TBC1D32: variants seen among roughly 807,000 people sequenced by gnomAD.
TBC1D32 encodes the protein protein broad-minded.
Under a neutral mutation model 170.3 loss-of-function variants are expected in TBC1D32, and 151 were observed. That is an observed-to-expected ratio of 0.89 (90% CI 0.78 to 1.01). The LOEUF (loss-of-function observed/expected upper bound fraction) is 1.01. Ranked by LOEUF, TBC1D32 falls within the 50% of genes least tolerant of loss-of-function variation. The pLI, the probability that TBC1D32 is intolerant of heterozygous loss-of-function variation, is 0.00. For synonymous variants in TBC1D32, 498 were observed against 488.0 expected (o/e 1.02, Z -0.27); for missense variants, 1,464 against 1,457.1 (o/e 1.00, Z -0.08).
intron 24 of TBC1D32, among the ~76,000 whole-genome samples, chr6:121,152,027 A>T (rs1784283198): frequency 6.6e-6 from 1 of 152,076 alleles, no homozygotes; most frequent in South Asian, 2.1e-4. Flanking sequence ...GTTATGTGTG[A>T]ATTTGTTTCT....
chr6:121,304,866 G>C (rs767657544), intron 5 of TBC1D32, 33 bp from the exon 6 acceptor site: 1 of 1,386,650 alleles, frequency 7.2e-7, no homozygotes, highest in Admixed American at 1.9e-5. Context: ...TTGCATCTAA[G>C]ATCTCACAAG....
At chr6:121,274,542 T>C (rs1471339421) in intron 15 of TBC1D32, among the ~76,000 whole-genome samples, 4 of 151,940 alleles carry the variant, frequency 2.6e-5, no homozygotes, top group Non-Finnish European at 4.4e-5. Context: ...CCAACTATTT[T>C]CCCTAAAAGG....
At chr6:121,270,653 C>T (rs141871647) in intron 15 of TBC1D32, among the ~76,000 whole-genome samples, 3,647 of 152,130 alleles carry the variant, frequency 0.024, 162 homozygotes, top group East Asian at 0.12. Flanking sequence ...CAGGACCAGA[C>T]GGATTCACAG....
chr6:121,179,445 A>T (rs1335744062), intron 22 of TBC1D32, among the ~76,000 whole-genome samples: 1 of 151,808 alleles, frequency 6.6e-6, no homozygotes, highest in African/African-American at 2.4e-5. Flanking sequence ...CCCCATTAAC[A>T]ATAGCAAAAA....
At chr6:121,289,793 A>C (rs1438212897) in intron 12 of TBC1D32, among the ~76,000 whole-genome samples, 1 of 73,970 alleles carries the variant, frequency 1.4e-5, no homozygotes, top group Non-Finnish European at 5.5e-5. Context: ...ACTGGTACCA[A>C]AACAGAGATA....
chr6:121,145,611 T>C (rs1212473451), intron 24 of TBC1D32, among the ~76,000 whole-genome samples: 1 of 152,216 alleles, frequency 6.6e-6, no homozygotes, highest in Admixed American at 6.5e-5. Context: ...TTTTAAATAT[T>C]ATCATCAGAA....
intron 20 of TBC1D32, among the ~76,000 whole-genome samples, chr6:121,230,823 G>A (rs9490144): frequency 0.011 from 1,712 of 151,892 alleles, 43 homozygotes; most frequent in African/African-American, 0.04. Flanking sequence ...TTGGGGAACC[G>A]ATAGTGTATG....
intron 3 of TBC1D32, among the ~76,000 whole-genome samples, chr6:121,315,277 A>C (rs1193779718): frequency 1.3e-5 from 2 of 152,236 alleles, no homozygotes; most frequent in South Asian, 4.1e-4. Context: ...TAGTGAATAT[A>C]AAGCTAAGTA....
At chr6:121,125,822 A>C (rs1019628589) in intron 26 of TBC1D32, among the ~76,000 whole-genome samples, 3 of 152,294 alleles carry the variant, frequency 2.0e-5, no homozygotes, top group Non-Finnish European at 4.4e-5. Flanking sequence ...ATTGCAGCAG[A>C]AGAAGCCAGG....
At chr6:121,286,618 C>A (rs1303938547) in intron 12 of TBC1D32, among the ~76,000 whole-genome samples, 1 of 152,130 alleles carries the variant, frequency 6.6e-6, no homozygotes, top group Non-Finnish European at 1.5e-5. Context: ...CCTAGCAAGG[C>A]AGGCCAACAT....
chr6:121,218,489 C>T (rs1794103262), intron 21 of TBC1D32, among the ~76,000 whole-genome samples: 1 of 151,966 alleles, frequency 6.6e-6, no homozygotes, highest in Non-Finnish European at 1.5e-5. Context: ...GAGGGTGTTG[C>T]CAAAGGAGAT....
intron 24 of TBC1D32, 101 bp from the exon 25 acceptor site, chr6:121,131,853 A>C: frequency 6.2e-6 from 5 of 812,018 alleles, no homozygotes; most frequent in Non-Finnish European, 9.0e-6. Flanking sequence ...CATATGGAAT[A>C]CATATGGCTT....
intron 15 of TBC1D32, among the ~76,000 whole-genome samples, chr6:121,271,692 G>C (rs1207999913): frequency 1.3e-5 from 2 of 152,086 alleles, no homozygotes; most frequent in Non-Finnish European, 2.9e-5. Flanking sequence ...TACTGCCCAA[G>C]GTAATTTATA....
intron 22 of TBC1D32, among the ~76,000 whole-genome samples, chr6:121,190,085 C>G (rs1022705385): frequency 3.8e-5 from 1 of 26,580 alleles, no homozygotes; most frequent in African/African-American, 1.3e-4. Context: ...CACACACACA[C>G]ACACACACAC....
chr6:121,257,067 C>T (rs1799130259), intron 15 of TBC1D32, among the ~76,000 whole-genome samples: 1 of 152,130 alleles, frequency 6.6e-6, no homozygotes, highest in Non-Finnish European at 1.5e-5. Context: ...GTTGTAGTTA[C>T]AGGTCCTAAT....
chr6:121,244,826 G>T (rs759466387), intron 17 of TBC1D32, among the ~76,000 whole-genome samples: 2 of 152,130 alleles, frequency 1.3e-5, no homozygotes, highest in Non-Finnish European at 2.9e-5. Context: ...TGTCCAATAC[G>T]TTATAAAGAA....
intron 21 of TBC1D32, among the ~76,000 whole-genome samples, chr6:121,213,524 T>TAAATA (rs1554271961): frequency 0.017 from 542 of 31,132 alleles, 8 homozygotes; most frequent in African/African-American, 0.074. Context: ...TAAAATAAAA[T>TAAATA]AAATAAAATA....
At chr6:121,173,955 TA>T (rs968381811) in intron 22 of TBC1D32, among the ~76,000 whole-genome samples, 9 of 149,886 alleles carry the variant, frequency 6.0e-5, no homozygotes, top group South Asian at 4.3e-4. Context: ...AGATACATAC[TA>T]AAAAAAAAGT....
chr6:121,153,072 G>T (rs1240097493), intron 24 of TBC1D32, among the ~76,000 whole-genome samples: 3 of 152,256 alleles, frequency 2.0e-5, no homozygotes, highest in Admixed American at 6.5e-5. Context: ...CTTTGCAGGA[G>T]AAAAGGTGTT....
Sources: gnomAD v4.1 joint callset for allele counts (sites outside exome capture counted in the v4.1 genomes callset) on GRCh38, gnomAD v4.1.1 for gene constraint, MANE v1.5 for transcripts, NCBI Gene and HGNC (gene_info 2026-07-23, HGNC 2026-07-21) for gene names.